The following ZNF789 variants were observed in gnomAD, a reference collection of about 807,000 sequenced individuals.
The protein encoded by ZNF789 is zinc finger protein 789.
ZNF789 carries 11 observed loss-of-function variants against 15.6 expected under a neutral mutation model. The observed-to-expected ratio is 0.70, with a 90% CI of 0.44 to 1.16. The LOEUF (loss-of-function observed/expected upper bound fraction) is 1.16. ZNF789 is among the 50% of genes most tolerant of loss of function. ZNF789 has a pLI of 0.00. For synonymous variants in ZNF789, 159 were observed against 176.0 expected, an observed-to-expected ratio of 0.90 and a Z score of 0.76; for missense variants, 461 against 512.6, an observed-to-expected ratio of 0.90 and a Z score of 0.97.
At chr7:99,485,418 C>G in intron 4 of ZNF789, 1 of 654,208 alleles carries the variant, frequency 1.5e-6, no homozygotes, top group Non-Finnish European at 2.8e-6. Flanking sequence ...CTGTTCACCC[C>G]TAGTTGAGAC....
intron 3 of ZNF789, chr7:99,480,142 AT>A (rs1443065689): frequency 7.3e-6 from 2 of 272,662 alleles, no homozygotes; most frequent in Non-Finnish European, 1.4e-5. Context: ...CCTGGCCAAT[AT>A]GGTGAAACCC....
At chr7:99,478,680 C>A (rs1414815691) in intron 2 of ZNF789, 3 of 321,906 alleles carry the variant, frequency 9.3e-6, no homozygotes, top group Non-Finnish European at 1.9e-5. Context: ...AGTGCTCAGC[C>A]CACTGGAGGG....
At chr7:99,474,208 G>A (rs1325663033) in intron 1 of ZNF789, among the ~76,000 whole-genome samples, 2 of 152,152 alleles carry the variant, frequency 1.3e-5, no homozygotes, top group East Asian at 3.8e-4. Context: ...CACATTGGAA[G>A]AAGAATTGTC....
chr7:99,483,836 A>G, intron 3 of ZNF789, 194 bp from the exon 4 acceptor site: 2 of 782,810 alleles, frequency 2.6e-6, no homozygotes, highest in Non-Finnish European at 4.8e-6. Flanking sequence ...TCTAAGAGTG[A>G]AATGACCACA....
At chr7:99,484,181 A>G in intron 4 of ZNF789, 38 bp downstream of exon 4, 1 of 1,547,502 alleles carries the variant, frequency 6.5e-7, no homozygotes, top group Non-Finnish European at 8.9e-7. Context: ...GGAATCAGGA[A>G]GAGGAAGGGA....
At chr7:99,474,277 G>A (rs1232915595) in intron 1 of ZNF789, among the ~76,000 whole-genome samples, 1 of 152,044 alleles carries the variant, frequency 6.6e-6, no homozygotes, top group East Asian at 1.9e-4. Context: ...AAAAAAAATC[G>A]CAAAACAATT....
Position 99,487,283 on chromosome 7 carries a change from A to T in ZNF789, c.1073A>T (p.Gln358Leu). Residue 358 changes from glutamine to leucine, a missense_variant, in exon 5 of 5, where the codon CAG (glutamine) becomes CTG (leucine). Coordinates refer to ENST00000331410, the MANE Select transcript of ZNF789 (RefSeq NM_213603.3). ...QSFGRNVDLI[Q>L]HQRIHTKEEF... ...TTTGGTAGGAATGTGGATCTCATTC[A>T]GCATCAAAGAATCCATACAAAGGAG... The T allele has an allele frequency of 6.2e-7, 1 of 1,614,252 alleles. No individual in the cohort carries two copies.
At chr7:99,478,140 CCTGCTGCTGTA>C in intron 2 of ZNF789, 1 of 450,616 alleles carries the variant, frequency 2.2e-6, no homozygotes, top group Non-Finnish European at 3.7e-6. Flanking sequence ...TATTCAAGGA[CCTGCTGCTGTA>C]CATACTTTTG....
Position 99,479,713 on chromosome 7 carries a change from G to A in ZNF789, c.77G>A (p.Gly26Asp). 1.2e-6 allele frequency: 2 copies of A among 1,613,940 alleles called. No homozygotes were observed. The highest frequency in any genetic ancestry group is 2.2e-5 in the South Asian group (2 of 91,054). ...VAMYFTREEWGHLNWGQKDLY... is the reference protein window; with the variant it reads ...VAMYFTREEWDHLNWGQKDLY... ...ATGTACTTCACCAGAGAGGAGTGGG[G>A]CCACCTCAACTGGGGTCAGAAGGAC... Residue 26 changes from glycine (G) to aspartate (D), a missense_variant, in exon 3 of 5, where the codon GGC becomes GAC. By Grantham distance (94) the Gly-to-Asp change is moderately conservative (BLOSUM62 -1). Transcript: ENST00000331410.
At position 99,487,472 on chromosome 7, in the gene ZNF789, G is replaced by C; in HGVS notation, c.1262G>C (p.Gly421Ala). Residue 421 changes from glycine to alanine, a missense_variant, in exon 5 of 5, where the codon GGA (glycine) becomes GCA (alanine). Gly to Ala is a moderately conservative substitution (Grantham distance 60, BLOSUM62 0). Coordinates refer to ENST00000331410, the MANE Select transcript of ZNF789 (RefSeq NM_213603.3). ...SFIKHQGTHK[G>A]QIST The stretch of plus-strand genomic sequence containing the variant: ...ATTAAGCACCAGGGCACTCACAAAG[G>C]ACAGATATCCACATGATGTTAATTG... 1 of 1,612,168 alleles carries C rather than the reference G, an allele frequency of 6.2e-7. No homozygotes were observed. Among genetic ancestry groups the C allele is most frequent in the Non-Finnish European group, 8.5e-7 (1 of 1,178,776 alleles).
chr7:99,473,363 C>A (rs1799125077), intron 1 of ZNF789, among the ~76,000 whole-genome samples: 1 of 152,170 alleles, frequency 6.6e-6, no homozygotes, highest in Non-Finnish European at 1.5e-5. Context: ...AGTTAACAGT[C>A]CCCTCCAGTT....
intron 3 of ZNF789, chr7:99,481,022 A>G (rs185723355): frequency 1.3e-5 from 2 of 152,376 alleles, no homozygotes; most frequent in Admixed American, 1.3e-4. Context: ...GTTCATGGGT[A>G]ACACTGTTAA....
chr7:99,484,245 C>A, intron 4 of ZNF789, 102 bp downstream of exon 4: 2 of 838,248 alleles, frequency 2.4e-6, no homozygotes, highest in Non-Finnish European at 3.9e-6. Context: ...AGGTGCTGGG[C>A]ATATATTATC....
intron 3 of ZNF789, chr7:99,481,264 C>CTTG (rs1799611552): frequency 6.6e-6 from 1 of 152,126 alleles, no homozygotes; most frequent in Non-Finnish European, 1.5e-5. Context: ...CGTTGGTTTG[C>CTTG]TTGTGTATTT....
At chr7:99,479,562 C>T in intron 2 of ZNF789, 99 bp from the exon 3 acceptor site, 1 of 1,424,096 alleles carries the variant, frequency 7.0e-7, no homozygotes, top group Non-Finnish European at 9.3e-7. Context: ...CCTTGGCCCA[C>T]ACTCTACCTC....
chr7:99,484,061 T>C lies in ZNF789; in HGVS notation c.183T>C (p.Cys61=). Residue 61 remains cysteine, a synonymous_variant, in exon 4 of 5, where the codon TGT becomes TGC. Coordinates refer to ENST00000331410, the MANE Select transcript of ZNF789 (RefSeq NM_213603.3). The part of the protein sequence containing the change: ...GFQFPKPEMI[C]QLENWDEQWI... ...AGTTTCCCAAACCTGAGATGATCTG[T>C]CAGCTGGAGAACTGGGACGAGCAGT... The C allele has an allele frequency of 3.1e-6, 5 of 1,614,046 alleles. No individual in the cohort carries two copies. The highest frequency in any genetic ancestry group is 3.4e-6 in the Non-Finnish European group (4 of 1,180,006).
rs1361606311 is a variant in ZNF789 at position 99,486,601 on chromosome 7, A to G, written c.391A>G (p.Lys131Glu). 31 of 1,614,234 alleles carry G rather than the reference A, an allele frequency of 1.9e-5. No homozygotes were observed. The highest frequency in any genetic ancestry group is 2.6e-5 in the Non-Finnish European group (31 of 1,180,042). The change falls in exon 5 of 5, where the codon AAG becomes GAG. Residue 131 changes from lysine (K) to glutamate (E), a missense_variant. By Grantham distance (56) the Lys-to-Glu change is moderately conservative. Transcript: ENST00000331410. ...TGAGAAACTTTCAGAAAAGTTACAT[A>G]AGTGTAAAGAATTTGTGGACAGTTG... The part of the protein sequence containing the change: ...SAEKLSEKLH[K>E]CKEFVDSCRL...
chr7:99,475,806 CTTTTTT>C (rs59681284), intron 1 of ZNF789, among the ~76,000 whole-genome samples: 1 of 128,368 alleles, frequency 7.8e-6, no homozygotes, highest in Admixed American at 8.1e-5. Flanking sequence ...TTTTTTCTTT[CTTTTTT>C]TTTTTTTTTT....
rs970822439 is a variant in ZNF789 at position 99,485,202 on chromosome 7, A to G, written c.265+1059A>G. The G allele has an allele frequency of 2.2e-5, 34 of 1,535,628 alleles. 1 individual carries two copies. In the African/African-American group the frequency reaches 4.0e-4, roughly 18 times the overall value. ...GCATTTTTCTACTTACTGTGTCCCG[A>G]TGCAGCTGCTCCTGTTTTTCACATC... On this transcript the variant is annotated intron_variant, in intron 4 of 4. Transcript: ENST00000331410.
Sources: allele counts gnomAD v4.1 joint callset (sites outside exome capture counted in the v4.1 genomes callset), GRCh38; gene constraint gnomAD v4.1.1; transcripts MANE v1.5; gene names NCBI Gene and HGNC (gene_info 2026-07-23, HGNC 2026-07-21).